RUFY3: variants seen among roughly 807,000 people sequenced by gnomAD.
RUFY3 encodes RUN and FYVE domain containing 3.
A neutral mutation model predicts 84.0 loss-of-function variants in RUFY3; 34 were observed. The ratio of observed to expected loss-of-function variants is 0.40; its 90% CI spans 0.31 to 0.54. The LOEUF is 0.54. Ranked by LOEUF, RUFY3 falls within the 20% of genes least tolerant of loss-of-function variation. The pLI is 0.39. For missense variants in RUFY3, 507 were observed against 736.8 expected (o/e 0.69, Z 3.61); for synonymous variants, 242 against 252.9 (o/e 0.96, Z 0.41).
intron 5 of RUFY3, among the ~76,000 whole-genome samples, chr4:70,770,048 A>G (rs1726697994): frequency 6.6e-6 from 1 of 152,092 alleles, no homozygotes; most frequent in Non-Finnish European, 1.5e-5. Flanking sequence ...TCTCAAACTC[A>G]TGGCCTCAAG....
intron 3 of RUFY3, 151 bp downstream of exon 3, chr4:70,763,820 T>C (rs10015958): frequency 0.024 from 21,888 of 923,902 alleles, 939 homozygotes; most frequent in African/African-American, 0.16. Context: ...CAGGAGAGAA[T>C]TGGTATACAG....
At chr4:70,766,091 G>A (rs1725866866) in intron 4 of RUFY3, among the ~76,000 whole-genome samples, 1 of 152,080 alleles carries the variant, frequency 6.6e-6, no homozygotes, top group Non-Finnish European at 1.5e-5. Context: ...AAGAAATAAG[G>A]AACTAATATC....
At chr4:70,767,946 T>C (rs1443068350) in intron 4 of RUFY3, among the ~76,000 whole-genome samples, 1 of 152,214 alleles carries the variant, frequency 6.6e-6, no homozygotes, top group Non-Finnish European at 1.5e-5. Context: ...CCCAAAGTGC[T>C]GGGATTACAA....
chr4:70,792,687 C>A (rs1178921313), intron 12 of RUFY3: 5 of 984,810 alleles, frequency 5.1e-6, no homozygotes, highest in Admixed American at 6.2e-5. Context: ...TCTTAAAATT[C>A]TTTATCTTTT....
At chr4:70,782,940 A>C (rs1729193146) in intron 8 of RUFY3, 151 bp from the exon 9 acceptor site, 1 of 546,806 alleles carries the variant, frequency 1.8e-6, no homozygotes, top group Non-Finnish European at 3.2e-6. Flanking sequence ...ATTTCTCTTG[A>C]GTTCTTATAA....
chr4:70,739,620 T>G (rs965298980), intron 1 of RUFY3, among the ~76,000 whole-genome samples: 1 of 152,122 alleles, frequency 6.6e-6, no homozygotes, highest in African/African-American at 2.4e-5. Flanking sequence ...TGGTTGCCTA[T>G]AGCAATACTG....
At chr4:70,767,893 G>C (rs1450484323) in intron 4 of RUFY3, among the ~76,000 whole-genome samples, 1 of 152,062 alleles carries the variant, frequency 6.6e-6, no homozygotes, top group Non-Finnish European at 1.5e-5. Context: ...TGGCCAGGCT[G>C]GTCTTGAACT....
At chr4:70,806,429 G>A in intron 17 of RUFY3, 87 bp from the exon 18 acceptor site, 1 of 1,433,908 alleles carries the variant, frequency 7.0e-7, no homozygotes, top group Non-Finnish European at 9.7e-7. Context: ...TAGGCATTGA[G>A]CATTTGCCAT....
chr4:70,706,494 A>G (rs1388816983), intron 1 of RUFY3, among the ~76,000 whole-genome samples: 1 of 152,206 alleles, frequency 6.6e-6, no homozygotes, highest in Non-Finnish European at 1.5e-5. Context: ...CAGATGCGGA[A>G]GCTCGATTTA....
chr4:70,794,349 G>A, intron 13 of RUFY3, among the ~76,000 whole-genome samples: 1 of 152,160 alleles, frequency 6.6e-6, no homozygotes, highest in Non-Finnish European at 1.5e-5. Flanking sequence ...GGGAGGCCAA[G>A]GCAGGTGTAT....
At chr4:70,709,113 A>G (rs965862330) in intron 1 of RUFY3, among the ~76,000 whole-genome samples, 1 of 152,190 alleles carries the variant, frequency 6.6e-6, no homozygotes, top group Admixed American at 6.5e-5. Flanking sequence ...TGTCACATGA[A>G]TTGTTTTGTT....
exon 1 of RUFY3, chr4:70,705,123 G>A (rs1340504416): frequency 2.2e-5 from 31 of 1,433,676 alleles, no homozygotes; most frequent in Non-Finnish European, 2.6e-5. Flanking sequence ...GCCGGTGGCC[G>A]CCCCCTTCTT....
At chr4:70,707,806 AC>A (rs1235800346) in intron 1 of RUFY3, among the ~76,000 whole-genome samples, 1 of 152,160 alleles carries the variant, frequency 6.6e-6, no homozygotes, top group Non-Finnish European at 1.5e-5. Flanking sequence ...TTTACCTGTT[AC>A]ATTTATATGT....
intron 16 of RUFY3, among the ~76,000 whole-genome samples, chr4:70,803,453 CTT>C (rs369264240): frequency 1.0e-4 from 15 of 145,080 alleles, no homozygotes; most frequent in Admixed American, 1.4e-4. Flanking sequence ...TACTGCTTTC[CTT>C]TTTTTTTTTT....
At chr4:70,705,119 G>A (rs1319739220) in exon 1 of RUFY3, 1 of 1,433,174 alleles carries the variant, frequency 7.0e-7, no homozygotes. Flanking sequence ...ACTCGCCGGT[G>A]GCCGCCCCCT....
rs111787325 is a variant in RUFY3 at position 70,764,341 on chromosome 4, G to T, written c.471-134G>T. 1.8e-3 allele frequency: 1,116 copies of T among 615,492 alleles called. 10 individuals carry two copies. Among genetic ancestry groups the T allele is most frequent in the African/African-American group, 0.018 (962 of 54,742 alleles). The allele number at this position is 615,492 out of a possible 1,614,324, so 38.1% of individuals were successfully genotyped here. A position where few individuals can be genotyped will look rare whatever the true frequency, so the allele number is the denominator to read the frequency against. ...AATTCCTTGCATGGGAATGTACTGGGAGAGGTCCTGAGGAGCACCTCAGTG... is the reference window on the plus strand; with the variant it reads ...AATTCCTTGCATGGGAATGTACTGGTAGAGGTCCTGAGGAGCACCTCAGTG... On this transcript the variant is annotated intron_variant, in intron 3 of 17. Coordinates refer to ENST00000381006, the MANE Select transcript of RUFY3 (RefSeq NM_001037442.4).
rs1366953815 is a variant in RUFY3 at position 70,808,091 on chromosome 4, A to ATACC, written c.*1435_*1438dup. 6.6e-6 allele frequency among the ~76,000 whole-genome samples: 1 copy of ATACC among 152,224 alleles called. No homozygotes were observed. Among genetic ancestry groups the ATACC allele is most frequent in the Non-Finnish European group, 1.5e-5 (1 of 68,040 alleles). Reference sequence around the variant, plus strand: ...TTAAATCATCTGAAGATGATTACTTATACCTAATAAAATACCTACACATCA... The same window carrying ATACC: ...TTAAATCATCTGAAGATGATTACTTATACCTACCTAATAAAATACCTACACATCA... On this transcript the variant is annotated 3_prime_UTR_variant, in exon 18 of 18. Coordinates refer to ENST00000381006, the MANE Select transcript of RUFY3 (RefSeq NM_001037442.4).
chr4:70,755,507 C>T (rs898452141), intron 1 of RUFY3, among the ~76,000 whole-genome samples: 2 of 152,284 alleles, frequency 1.3e-5, no homozygotes, highest in South Asian at 2.1e-4. Context: ...AACAATATGA[C>T]TCACTGTCAC....
intron 1 of RUFY3, among the ~76,000 whole-genome samples, chr4:70,725,333 CT>C (rs113127589): frequency 1.8e-3 from 256 of 143,738 alleles, no homozygotes; most frequent in Middle Eastern, 3.6e-3. Flanking sequence ...CTTATATACT[CT>C]TTTTTTTTTT....
Sources: allele counts gnomAD v4.1 joint callset (sites outside exome capture counted in the v4.1 genomes callset), GRCh38; gene constraint gnomAD v4.1.1; transcripts MANE v1.5; gene names NCBI Gene and HGNC (gene_info 2026-07-23, HGNC 2026-07-21).